Variants in EIF4E3 observed in about 807,000 individuals in gnomAD.
The protein encoded by EIF4E3 is eukaryotic translation initiation factor 4E type 3.
In EIF4E3, 26 loss-of-function variants were observed where a neutral mutation model predicts 31.7. That is an observed-to-expected ratio of 0.82 (90% CI 0.60 to 1.14). The LOEUF (loss-of-function observed/expected upper bound fraction) is 1.14. Ranked by LOEUF, EIF4E3 falls within the 50% of genes most tolerant of loss-of-function variation. The pLI is 0.00. For synonymous variants in EIF4E3, 128 were observed against 107.7 expected (o/e 1.19, Z -1.17); for missense variants, 304 against 270.9 (o/e 1.12, Z -0.86).
At chr3:71,704,634 G>A (rs2049265304) in intron 2 of EIF4E3, among the ~76,000 whole-genome samples, 1 of 152,198 alleles carries the variant, frequency 6.6e-6, no homozygotes, top group Non-Finnish European at 1.5e-5. Flanking sequence ...CATAGCAGGG[G>A]TCTTCATAAC....
chr3:71,694,053 G>A, intron 4 of EIF4E3, 112 bp from the exon 5 acceptor site: 1 of 1,075,710 alleles, frequency 9.3e-7, no homozygotes, highest in South Asian at 1.8e-5. Context: ...TGCACTTTCT[G>A]TGCCCATACT....
intron 1 of EIF4E3, among the ~76,000 whole-genome samples, chr3:71,716,727 C>T (rs2108097521): frequency 6.6e-6 from 1 of 152,262 alleles, no homozygotes; most frequent in Middle Eastern, 3.4e-3. Context: ...AAACATACAC[C>T]ATTGGTTAGT....
At chr3:71,714,776 C>T (rs966931289) in intron 1 of EIF4E3, among the ~76,000 whole-genome samples, 2 of 152,174 alleles carry the variant, frequency 1.3e-5, no homozygotes, top group African/African-American at 2.4e-5. Context: ...GTATCATCTA[C>T]GGTTACTGTT....
intron 3 of EIF4E3, 101 bp downstream of exon 3, chr3:71,699,513 G>T: frequency 9.4e-7 from 1 of 1,068,106 alleles, no homozygotes; most frequent in Non-Finnish European, 1.4e-6. Context: ...GACTTTCTAT[G>T]TTGTCCATGT....
At chr3:71,669,924 A>C in the EIF4E3 span, among the ~76,000 whole-genome samples, 8 of 152,244 alleles carry the variant, frequency 5.3e-5, no homozygotes, top group Non-Finnish European at 8.8e-5. Context: ...CCTGGAGACT[A>C]TAATTCTGCT....
intron 5 of EIF4E3, among the ~76,000 whole-genome samples, chr3:71,691,263 C>T (rs963372986): frequency 1.3e-5 from 2 of 152,072 alleles, no homozygotes; most frequent in Non-Finnish European, 2.9e-5. Flanking sequence ...AATATTCATG[C>T]CATCAGTTTT....
At chr3:71,664,700 C>A in the EIF4E3 span, among the ~76,000 whole-genome samples, 2 of 152,046 alleles carry the variant, frequency 1.3e-5, no homozygotes, top group Non-Finnish European at 2.9e-5. Flanking sequence ...ATGATGAAAT[C>A]CCATCTCTAT....
In EIF4E3 at chr3:71,723,313, T is replaced by G. The variant is rs112112671; in HGVS notation, c.176+1879A>C. ...GAAGGAGAAAAAGTTCAATAAAAAT[T>G]ATGAGTTGTTTGATCGGGCAAAATG... On this transcript the variant is annotated intron_variant, in intron 1 of 6. Coordinates refer to ENST00000425534, the MANE Select transcript of EIF4E3 (RefSeq NM_001134651.2). Among the ~76,000 whole-genome samples, 563 of 152,298 alleles carry G rather than the reference T, an allele frequency of 3.7e-3. 4 individuals are homozygous for G. The highest frequency in any genetic ancestry group is 0.011 in the African/African-American group (456 of 41,552).
chr3:71,696,976 C>T (rs1578343703), intron 3 of EIF4E3, among the ~76,000 whole-genome samples: 1 of 151,462 alleles, frequency 6.6e-6, no homozygotes, highest in East Asian at 2.0e-4. Context: ...TCTCGGCCTC[C>T]CAAAGCGCTG....
At chr3:71,673,509 T>TA (rs1432010369), downstream of EIF4E3, among the ~76,000 whole-genome samples, 23 of 151,726 alleles carry the variant, frequency 1.5e-4, no homozygotes, top group East Asian at 3.9e-4. Context: ...ATGAGATTAG[T>TA]AAAAAAACAC....
chr3:71,714,315 G>C (rs925756408), intron 1 of EIF4E3, among the ~76,000 whole-genome samples: 1 of 142,358 alleles, frequency 7.0e-6, no homozygotes, highest in Non-Finnish European at 1.6e-5. Context: ...CGAAAGAAAG[G>C]AAAGGAAAGA....
intron 1 of EIF4E3, among the ~76,000 whole-genome samples, chr3:71,733,487 A>C (rs1362565356): frequency 6.6e-6 from 1 of 152,206 alleles, no homozygotes; most frequent in Non-Finnish European, 1.5e-5. Context: ...TGAAATAATC[A>C]TATTTATGAC....
rs1470513706 is a variant in EIF4E3 at position 71,684,646 on chromosome 3, A to G, written c.*36T>C. ...CCTGTTAAGACCGTTTCCAAAACCAATCAGCAAAGGACAAAGAATTCTTTA... is the reference window on the plus strand; with the variant it reads ...CCTGTTAAGACCGTTTCCAAAACCAGTCAGCAAAGGACAAAGAATTCTTTA... On this transcript the variant is annotated 3_prime_UTR_variant, in exon 7 of 7. Coordinates refer to ENST00000425534, the MANE Select transcript of EIF4E3 (RefSeq NM_001134651.2). 1 of 1,613,182 alleles carries G rather than the reference A, an allele frequency of 6.2e-7. No individual in the cohort carries two copies. Among genetic ancestry groups the G allele is most frequent in the South Asian group, 1.1e-5 (1 of 90,996 alleles).
At chr3:71,753,748 G>C (rs1469200722), upstream of EIF4E3, 2 of 152,406 alleles carry the variant, frequency 1.3e-5, no homozygotes, top group African/African-American at 4.9e-5. Flanking sequence ...GGAGTAGGAG[G>C]AGACGGAGGA....
At chr3:71,694,289 A>G (rs778243672) in intron 4 of EIF4E3, among the ~76,000 whole-genome samples, 1 of 152,232 alleles carries the variant, frequency 6.6e-6, no homozygotes, top group Non-Finnish European at 1.5e-5. Flanking sequence ...CAAAACATAG[A>G]AGCTGATTAT....
Position 71,696,566 on chromosome 3 carries a change from T to A in EIF4E3, c.345-46A>T, listed in dbSNP as rs2049140202. ...TAAAGTTACACTCAGGACTAAGTGA[T>A]TCTACATACAGTTAGATTAAATATC... On this transcript the variant is annotated intron_variant, in intron 3 of 6. Coordinates refer to ENST00000425534, the MANE Select transcript of EIF4E3 (RefSeq NM_001134651.2). 5 of 1,599,260 alleles carry A rather than the reference T, an allele frequency of 3.1e-6. No individual in the cohort carries two copies. In the East Asian group the frequency reaches 1.1e-4, roughly 36 times the overall value.
rs974213772 is a variant in EIF4E3, at chr3:71,719,060, T to C, written c.176+6132A>G. Among the ~76,000 whole-genome samples, 4 of 152,156 alleles carry C rather than the reference T, an allele frequency of 2.6e-5. No individual in the cohort carries two copies. In the East Asian group the frequency reaches 5.8e-4, roughly 22 times the overall value. On this transcript the variant is annotated intron_variant, in intron 1 of 6. Transcript: ENST00000425534. ...TCAAGCTCAGCCCTACCTTCCCATATCAGATTTGTTATTATGGAACACACC... is the reference window on the plus strand; with the variant it reads ...TCAAGCTCAGCCCTACCTTCCCATACCAGATTTGTTATTATGGAACACACC...
upstream of EIF4E3, chr3:71,725,417 G>A (rs1214959921): frequency 1.0e-6 from 1 of 973,910 alleles, no homozygotes; most frequent in Non-Finnish European, 1.2e-6. The surrounding 1 kb of genome is among the most constrained non-coding windows in gnomAD (Gnocchi z 6.1). Flanking sequence ...CGCGGGGCGA[G>A]CGCGGCTGAG....
intron 1 of EIF4E3, among the ~76,000 whole-genome samples, chr3:71,741,385 T>G (rs2049819665): frequency 6.6e-6 from 1 of 152,210 alleles, no homozygotes; most frequent in East Asian, 1.9e-4. Context: ...TATATCACAC[T>G]AAGTAAATTC....
Sources: gnomAD v4.1 joint callset for allele counts (sites outside exome capture counted in the v4.1 genomes callset) on GRCh38, gnomAD v4.1.1 for gene constraint, Gnocchi (gnomAD v3.1) non-coding constraint, MANE v1.5 for transcripts, NCBI Gene and HGNC (gene_info 2026-07-23, HGNC 2026-07-21) for gene names.